ZBTB4: variants seen among roughly 807,000 people sequenced by gnomAD.
ZBTB4 encodes zinc finger and BTB domain containing 4.
A neutral mutation model predicts 59.8 loss-of-function variants in ZBTB4; 14 were observed. The observed-to-expected ratio is 0.23, with a 90% CI of 0.15 to 0.37. The LOEUF is 0.37. Ranked by LOEUF, ZBTB4 falls within the 10% of genes least tolerant of loss-of-function variation. ZBTB4 has a pLI of 1.00. For synonymous variants in ZBTB4, 587 were observed against 575.2 expected (o/e 1.02, Z -0.29); for missense variants, 1,198 against 1,380.8 (o/e 0.87, Z 2.10).
intron 3 of ZBTB4, 118 bp from the exon 4 acceptor site, chr17:7,464,008 T>C (rs900694222): frequency 2.0e-6 from 3 of 1,480,572 alleles, no homozygotes; most frequent in Middle Eastern, 2.1e-4. Context: ...AGCCTTGTGC[T>C]GCCTCCCTCA....
At chr17:7,478,499 C>T (rs1567692272) in intron 1 of ZBTB4, among the ~76,000 whole-genome samples, 1 of 152,108 alleles carries the variant, frequency 6.6e-6, no homozygotes, top group Non-Finnish European at 1.5e-5. Flanking sequence ...AGAAATGGGA[C>T]CCAGACGTGA....
chr17:7,469,523 G>T (rs2070170384), intron 1 of ZBTB4, among the ~76,000 whole-genome samples: 1 of 150,794 alleles, frequency 6.6e-6, no homozygotes, highest in South Asian at 2.1e-4. Context: ...AGCACTTTGG[G>T]AGGCCAAGGC....
At chr17:7,476,602 C>T (rs2070272347) in intron 1 of ZBTB4, among the ~76,000 whole-genome samples, 2 of 152,182 alleles carry the variant, frequency 1.3e-5, no homozygotes, top group African/African-American at 4.8e-5. Context: ...CCAAGCTTGT[C>T]AAAATCCCTC....
At position 7,462,749 on chromosome 17, in the gene ZBTB4, G is replaced by A; in HGVS notation, c.2233C>T (p.Gln745Ter). Residue 745 changes from glutamine (Q) to a stop codon, truncating the protein, a stop_gained, in exon 4 of 4, where the codon CAA becomes TAA. Transcript: ENST00000380599. LOFTEE classifies it high-confidence loss of function. The surrounding 1 kb of genome is among the most constrained non-coding windows in gnomAD (Gnocchi z 7.5). ...TGGGAGCCCCCACCGTGGGCCTCTT[G>A]GTGCTTCCGCAGCTTTCTCAGGGTG... is the stretch of plus-strand genomic sequence containing the variant. Reference protein sequence around the residue: ...FTTLRKLRKHQEAHGGGSHSS... With the variant: ...FTTLRKLRKH 6.2e-7 allele frequency: 1 copy of A among 1,603,346 alleles called. No individual in the cohort carries two copies. Among genetic ancestry groups the A allele is most frequent in the Non-Finnish European group, 8.5e-7 (1 of 1,179,822 alleles).
chr17:7,460,523 C>T lies in ZBTB4; in HGVS notation c.*1417G>A, dbSNP rs2070004983. 1 of 152,246 alleles carries T rather than the reference C, an allele frequency of 6.6e-6. No individual in the cohort carries two copies. The highest frequency in any genetic ancestry group is 1.5e-5 in the Non-Finnish European group (1 of 68,030). The allele number at this position is 152,246 out of a possible 1,614,324, so 9.4% of individuals were successfully genotyped here. A position where few individuals can be genotyped will look rare whatever the true frequency, so the allele number is the denominator to read the frequency against. ...CTAATTCCCATTTGTCAAATTTGCT[C>T]CCCCATACTGGCTCTCCCCTTGTGA... On this transcript the variant is annotated 3_prime_UTR_variant, in exon 4 of 4. Transcript: ENST00000380599.
Position 7,461,841 on chromosome 17 carries a change from G to T in ZBTB4, c.*99C>A. 1 of 1,149,634 alleles carries T rather than the reference G, an allele frequency of 8.7e-7. No homozygotes were observed. 71.2% of individuals were successfully genotyped at this position (1,149,634 alleles called of 1,614,324 possible). On this transcript the variant is annotated 3_prime_UTR_variant, in exon 4 of 4. Coordinates refer to ENST00000380599, the MANE Select transcript of ZBTB4 (RefSeq NM_001128833.2). ...GGCCCCCAAGTCCCTGCACAAGAGT[G>T]TGAAGGGGCTCCCAAGGGGCAGGGA... is the stretch of plus-strand genomic sequence containing the variant.
chr17:7,471,300 C>T (rs1228384722), intron 1 of ZBTB4, among the ~76,000 whole-genome samples: 1 of 152,206 alleles, frequency 6.6e-6, no homozygotes, highest in Non-Finnish European at 1.5e-5. Context: ...CCTCCTGCCT[C>T]AGCCTCCGGA....
chr17:7,483,979 A>AACCGC (rs146228722), upstream of ZBTB4: 9 of 151,194 alleles, frequency 6.0e-5, no homozygotes, highest in African/African-American at 2.2e-4. Context: ...CCCCGGGAGG[A>AACCGC]CCCGCCCCGC....
intron 1 of ZBTB4, among the ~76,000 whole-genome samples, chr17:7,472,738 C>G (rs1306348590): frequency 1.4e-5 from 2 of 142,714 alleles, no homozygotes; most frequent in African/African-American, 5.2e-5. Context: ...ACCTCCCAGG[C>G]TCTCATGACC....
intron 1 of ZBTB4, among the ~76,000 whole-genome samples, chr17:7,467,708 G>A (rs919121184): frequency 1.3e-5 from 2 of 152,210 alleles, no homozygotes; most frequent in Non-Finnish European, 2.9e-5. Context: ...AGGGCTCAGA[G>A]GAAGTCAAAG....
At position 7,467,299 on chromosome 17, in the gene ZBTB4, G is replaced by T. The variant is rs1305807083; in HGVS notation, c.-52C>A. ...ATGGAGTGGGGCGGGGGGTGGCTCA[G>T]CGAGTCCCTTCTGCTGGGCCTCTTC... On this transcript the variant is annotated 5_prime_UTR_variant, in exon 2 of 4. The change creates a new upstream start codon in the 5' untranslated region. Transcript: ENST00000380599. The T allele has an allele frequency of 1.0e-5, 10 of 971,890 alleles. No individual in the cohort carries two copies. The highest frequency in any genetic ancestry group is 1.2e-5 in the Non-Finnish European group (10 of 816,894). The allele number at this position is 971,890 out of a possible 1,614,324, so 60.2% of individuals were successfully genotyped here. A position where few individuals can be genotyped will look rare whatever the true frequency, so the allele number is the denominator to read the frequency against.
At chr17:7,482,816 C>T (rs1174100537), upstream of ZBTB4, 1 of 1,611,954 alleles carries the variant, frequency 6.2e-7, no homozygotes, top group Non-Finnish European at 8.5e-7. Flanking sequence ...CACCAAGGCC[C>T]ACCCTGCCCT....
At chr17:7,482,126 G>A (rs781390381), upstream of ZBTB4, 11 of 1,614,020 alleles carry the variant, frequency 6.8e-6, no homozygotes, top group Non-Finnish European at 7.6e-6. Flanking sequence ...GCTGGGTGGG[G>A]GCCTGCCTGC....
intron 1 of ZBTB4, among the ~76,000 whole-genome samples, chr17:7,473,786 G>A (rs2070231879): frequency 6.6e-6 from 1 of 152,148 alleles, no homozygotes; most frequent in South Asian, 2.1e-4. Context: ...CTGGTCTCAA[G>A]CAATCCGCCC....
chr17:7,471,189 A>AT (rs969611840), intron 1 of ZBTB4, among the ~76,000 whole-genome samples: 1 of 151,282 alleles, frequency 6.6e-6, no homozygotes, highest in African/African-American at 2.4e-5. Context: ...TATGAAAAAA[A>AT]TTTTTTTTTT....
At position 7,472,835 on chromosome 17, in the gene ZBTB4, G is replaced by C. The variant is rs553724788; in HGVS notation, c.-80-5508C>G. ...TATTTTTTATTTTTAGTAGAGATTG[G>C]ATCTCTCTATGTTGGCCAGGCTGGT... On this transcript the variant is annotated intron_variant, in intron 1 of 3. Transcript: ENST00000380599. Among the ~76,000 whole-genome samples the C allele has an allele frequency of 4.6e-5, 7 of 151,426 alleles. No homozygotes were observed. In the South Asian group the frequency reaches 1.5e-3, roughly 32 times the overall value.
chr17:7,463,384 G>C lies in ZBTB4; in HGVS notation c.1598C>G (p.Pro533Arg). 6.3e-7 allele frequency: 1 copy of C among 1,598,384 alleles called. No individual in the cohort carries two copies. The highest frequency in any genetic ancestry group is 8.5e-7 in the Non-Finnish European group (1 of 1,172,586). ...PPPPPEPAAT[P>R]TSPATAVSPA... ...GCTGACTGCTGTGGCTGGGCTGGTG[G>C]GTGTGGCTGCAGGCTCAGGGGGAGG... Residue 533 changes from proline (P) to arginine (R), a missense_variant, in exon 4 of 4, where the codon CCC becomes CGC. By Grantham distance (103) the Pro-to-Arg change is moderately radical (BLOSUM62 -2). Coordinates refer to ENST00000380599, the MANE Select transcript of ZBTB4 (RefSeq NM_001128833.2).
At chr17:7,470,409 A>G (rs771658244) in intron 1 of ZBTB4, among the ~76,000 whole-genome samples, 1 of 151,704 alleles carries the variant, frequency 6.6e-6, no homozygotes, top group African/African-American at 2.4e-5. Flanking sequence ...AAAAAATAAA[A>G]TAGGCTGGGC....
chr17:7,475,773 C>T (rs2070261021), intron 1 of ZBTB4, among the ~76,000 whole-genome samples: 1 of 152,138 alleles, frequency 6.6e-6, no homozygotes, highest in African/African-American at 2.4e-5. Flanking sequence ...GAAACCGAGG[C>T]TCAGAGAGGG....
Sources: gnomAD v4.1 joint callset for allele counts (sites outside exome capture counted in the v4.1 genomes callset) on GRCh38, gnomAD v4.1.1 for gene constraint, Gnocchi (gnomAD v3.1) non-coding constraint, MANE v1.5 for transcripts, NCBI Gene and HGNC (gene_info 2026-07-23, HGNC 2026-07-21) for gene names.